WHRN: variants seen among roughly 807,000 people sequenced by gnomAD.
WHRN encodes the protein whirlin, also known as CASK-interacting protein CIP98.
In WHRN, 41 loss-of-function variants were observed where a neutral mutation model predicts 68.3. That is an observed-to-expected ratio of 0.60 (90% CI 0.47 to 0.78). WHRN has a LOEUF of 0.78. Among genes scored for constraint, WHRN ranks in the 30% least tolerant of loss-of-function variants. The pLI is 0.00. For synonymous variants in WHRN, 560 were observed against 561.3 expected (o/e 1.00, Z 0.03); for missense variants, 1,243 against 1,244.7 (o/e 1.00, Z 0.02).
intron 7 of WHRN, among the ~76,000 whole-genome samples, chr9:114,412,184 G>A (rs950826411): frequency 6.6e-6 from 1 of 152,234 alleles, no homozygotes; most frequent in Non-Finnish European, 1.5e-5. Flanking sequence ...AGACGCTCAG[G>A]AGTCCCAAGT....
intron 7 of WHRN, among the ~76,000 whole-genome samples, chr9:114,411,030 A>G (rs1564120898): frequency 6.6e-6 from 1 of 152,258 alleles, no homozygotes; most frequent in Non-Finnish European, 1.5e-5. Context: ...TGGACATGTT[A>G]ACACTTACAA....
In WHRN at chr9:114,402,569, T is replaced by C; in HGVS notation, c.*185A>G. ...AGCACCAGTTCCTGACCTGACCTTC[T>C]GTCTGCCTTGTCCTGCTCTCTTCCT... On this transcript the variant is annotated 3_prime_UTR_variant, in exon 12 of 12. Transcript: ENST00000362057. 1 of 749,610 alleles carries C rather than the reference T, an allele frequency of 1.3e-6. No homozygotes were observed. The highest frequency in any genetic ancestry group is 2.3e-6 in the Non-Finnish European group (1 of 443,366). 46.4% of individuals were successfully genotyped at this position (749,610 alleles called of 1,614,324 possible). A position where few individuals can be genotyped will look rare whatever the true frequency, so the allele number is the denominator to read the frequency against.
At chr9:114,444,103 C>T (rs1277048693) in intron 3 of WHRN, among the ~76,000 whole-genome samples, 5 of 152,146 alleles carry the variant, frequency 3.3e-5, no homozygotes, top group Admixed American at 6.5e-5. Flanking sequence ...CAATTCAAGA[C>T]GATATGTGAG....
chr9:114,463,297 G>T (rs887001275), intron 3 of WHRN, among the ~76,000 whole-genome samples: 1 of 152,196 alleles, frequency 6.6e-6, no homozygotes, highest in Non-Finnish European at 1.5e-5. Context: ...CATGCAGCAG[G>T]TGTTCTGGGA....
intron 7 of WHRN, among the ~76,000 whole-genome samples, chr9:114,415,776 A>T (rs1835772952): frequency 1.3e-5 from 2 of 152,232 alleles, no homozygotes; most frequent in South Asian, 4.1e-4. Flanking sequence ...GCATGACTGA[A>T]GGAATACATG....
intron 7 of WHRN, among the ~76,000 whole-genome samples, chr9:114,410,550 AC>A (rs971792539): frequency 1.3e-5 from 2 of 152,132 alleles, no homozygotes. Flanking sequence ...CTGACGCCAT[AC>A]CCCTAAGACA....
intron 2 of WHRN, among the ~76,000 whole-genome samples, chr9:114,467,120 T>G (rs1535971): frequency 0.66 from 99,677 of 149,982 alleles, 34,514 homozygotes; most frequent in East Asian, 0.93. Context: ...CTATTTCTCC[T>G]GGGGTCTCCT....
rs147004889 is a variant in WHRN, at chr9:114,480,275, T to C, written c.619-1504A>G. Among the ~76,000 whole-genome samples the C allele has an allele frequency of 1.8e-4, 28 of 152,180 alleles. No homozygotes were observed. In the East Asian group the frequency reaches 5.4e-3, roughly 29 times the overall value. ...ACGCTTGCAGCTGAGATGAAGACATTGACCCAAGGAGACACTCACTAAGCA... is the reference window on the plus strand; with the variant it reads ...ACGCTTGCAGCTGAGATGAAGACATCGACCCAAGGAGACACTCACTAAGCA... On this transcript the variant is annotated intron_variant, in intron 1 of 11. Transcript: ENST00000362057.
chr9:114,402,882 C>A lies in WHRN; in HGVS notation c.2596G>T (p.Glu866Ter). Residue 866 changes from glutamate to a stop codon, truncating the protein, a stop_gained, in exon 12 of 12, where the codon GAA becomes TAA. Coordinates refer to ENST00000362057, the MANE Select transcript of WHRN (RefSeq NM_015404.4). LOFTEE classifies it high-confidence loss of function. ...GQLKVGHVIL[E>*]VNGLTLRGKE... ...CCCCGAAGCGTCAGCCCATTCACTTCCAGAATCACGTGGCCCACCTTGAGC... is the reference window on the plus strand; with the variant it reads ...CCCCGAAGCGTCAGCCCATTCACTTACAGAATCACGTGGCCCACCTTGAGC... 1 of 1,613,960 alleles carries A rather than the reference C, an allele frequency of 6.2e-7. No individual in the cohort carries two copies. The highest frequency in any genetic ancestry group is 8.5e-7 in the Non-Finnish European group (1 of 1,179,992).
In WHRN at chr9:114,406,740, C is replaced by T. The variant is rs1288905156; in HGVS notation, c.1851G>A (p.Ser617=). The change falls in exon 9 of 12, where the codon TCG becomes TCA. Residue 617 remains serine (S), a synonymous_variant. Transcript: ENST00000362057. ...TCTGTGGAGCCGAGAAGACAGTGCC[C>T]GAGCAGGAAGGCATGGAGGAAGGTG... ...LQPPSSMPSC[S]GTVFSAPQNR... 12 of 1,614,112 alleles carry T rather than the reference C, an allele frequency of 7.4e-6. No homozygotes were observed. The highest frequency in any genetic ancestry group is 1.1e-5 in the South Asian group (1 of 91,080).
Position 114,505,038 on chromosome 9 carries a change from A to G in WHRN, c.-237T>C. ...AACCTGGAATCCGGGGGACGCGGAG[A>G]CGTCGGCGGGTTCCTGAGAGACACA... On this transcript the variant is annotated 5_prime_UTR_variant, in exon 1 of 12. Transcript: ENST00000362057. 1 of 511,238 alleles carries G rather than the reference A, an allele frequency of 2.0e-6. No individual in the cohort carries two copies. The highest frequency in any genetic ancestry group is 3.1e-6 in the Non-Finnish European group (1 of 322,698). The allele number at this position is 511,238 out of a possible 1,614,324, so 31.7% of individuals were successfully genotyped here. A position where few individuals can be genotyped will look rare whatever the true frequency, so the allele number is the denominator to read the frequency against.
intron 3 of WHRN, among the ~76,000 whole-genome samples, chr9:114,459,146 C>T (rs1012887838): frequency 6.6e-6 from 1 of 152,168 alleles, no homozygotes; most frequent in Admixed American, 6.5e-5. Flanking sequence ...TAAACAAGTG[C>T]TCCCAATTTA....
intron 3 of WHRN, among the ~76,000 whole-genome samples, chr9:114,457,361 A>C (rs1231480350): frequency 6.6e-6 from 1 of 152,212 alleles, no homozygotes; most frequent in East Asian, 1.9e-4. Context: ...TCAAATGTGC[A>C]CAGAAGCCAA....
At position 114,504,536 on chromosome 9, in the gene WHRN, C is replaced by A; in HGVS notation, c.266G>T (p.Arg89Leu). 1.2e-6 allele frequency: 2 copies of A among 1,610,468 alleles called. No individual in the cohort carries two copies. Among genetic ancestry groups the A allele is most frequent in the Non-Finnish European group, 1.7e-6 (2 of 1,179,798 alleles). Residue 89 changes from arginine (R) to leucine (L), a missense_variant, in exon 1 of 12, where the codon CGC becomes CTC. By Grantham distance (102) the Arg-to-Leu change is moderately radical. Coordinates refer to ENST00000362057, the MANE Select transcript of WHRN (RefSeq NM_015404.4). ...RVLLDSPVKR[R>L]LLPMLRLVIP... ...GACCAGACGAAGCATGGGCAGCAGG[C>A]GCCGCTTGACCGGACTGTCCAGCAG...
At chr9:114,499,195 G>A (rs1435771495) in intron 1 of WHRN, among the ~76,000 whole-genome samples, 1 of 152,160 alleles carries the variant, frequency 6.6e-6, no homozygotes, top group Non-Finnish European at 1.5e-5. Context: ...GCTGACATCA[G>A]GAATGCACGG....
chr9:114,425,500 T>A lies in WHRN; in HGVS notation c.1167-476A>T, dbSNP rs186202515. On this transcript the variant is annotated intron_variant, in intron 4 of 11. Coordinates refer to ENST00000362057, the MANE Select transcript of WHRN (RefSeq NM_015404.4). ...CATCCAGAAATCCAGTTTTTTTTTT[T>A]ATAGAAAACCTGGTATCTTTCTAGA... 51 of 363,456 alleles carry A rather than the reference T, an allele frequency of 1.4e-4. 1 individual carries two copies. The highest frequency in any genetic ancestry group is 8.1e-4 in the Middle Eastern group (1 of 1,230). 22.5% of individuals were successfully genotyped at this position (363,456 alleles called of 1,614,324 possible). A position where few individuals can be genotyped will look rare whatever the true frequency, so the allele number is the denominator to read the frequency against.
At chr9:114,405,408 C>T (rs1412434774) in intron 9 of WHRN, among the ~76,000 whole-genome samples, 1 of 152,184 alleles carries the variant, frequency 6.6e-6, no homozygotes, top group Non-Finnish European at 1.5e-5. Context: ...TCAGTTTGTT[C>T]ATTTGTAAAA....
chr9:114,449,048 C>A (rs1202374364), intron 3 of WHRN, among the ~76,000 whole-genome samples: 2 of 152,166 alleles, frequency 1.3e-5, no homozygotes, highest in Non-Finnish European at 2.9e-5. Flanking sequence ...TAGTTACCTA[C>A]CTCTCCCAAA....
At chr9:114,407,489 A>G (rs1000383385) in intron 8 of WHRN, among the ~76,000 whole-genome samples, 1 of 152,208 alleles carries the variant, frequency 6.6e-6, no homozygotes, top group Admixed American at 6.5e-5. Flanking sequence ...AGTGAGGGGC[A>G]GCTATGGACA....
Sources: gnomAD v4.1 joint callset for allele counts (sites outside exome capture counted in the v4.1 genomes callset) on GRCh38, gnomAD v4.1.1 for gene constraint, MANE v1.5 for transcripts, NCBI Gene and HGNC (gene_info 2026-07-23, HGNC 2026-07-21) for gene names.